Variants in SRRM2 observed in about 807,000 individuals in gnomAD.
SRRM2 encodes the protein serine/arginine repetitive matrix 2.
In SRRM2, 30 loss-of-function variants were observed where a neutral mutation model predicts 213.8. The observed-to-expected ratio is 0.14, with a 90% CI of 0.10 to 0.19. The LOEUF is 0.19. Among genes scored for constraint, SRRM2 ranks in the 10% least tolerant of loss-of-function variants. The pLI is 1.00. For synonymous variants in SRRM2, 2,025 were observed against 1,377.7 expected (o/e 1.47, Z -10.40); for missense variants, 4,904 against 3,647.0 (o/e 1.34, Z -8.88).
Position 2,768,226 on chromosome 16 carries a change from T to A in SRRM2, c.7698T>A (p.Ser2566=). Residue 2566 remains serine, a synonymous_variant, in exon 11 of 15, where the codon TCT becomes TCA. Coordinates refer to ENST00000301740, the MANE Select transcript of SRRM2 (RefSeq NM_016333.4). Reference sequence around the variant, plus strand: ...CCAGTTCTAGTGACTCAGAGGGCTCTAGCCTTCCTGTGCAACCTGAGGTGG... The same window carrying A: ...CCAGTTCTAGTGACTCAGAGGGCTCAAGCCTTCCTGTGCAACCTGAGGTGG... ...SGSSSSDSEG[S]SLPVQPEVAL... The A allele has an allele frequency of 5.1e-6, 8 of 1,579,226 alleles. No homozygotes were observed. The highest frequency in any genetic ancestry group is 6.9e-6 in the Non-Finnish European group (8 of 1,163,342).
rs752410240 is a variant in SRRM2, at chr16:2,767,868, C to T, written c.7340C>T (p.Pro2447Leu). ...CTTCTCCCTCCAGCACAGGATCAGC[C>T]GAGGTCTCCTGTGCCTTCTGCTTTT... The part of the protein sequence containing the change: ...QSLLPPAQDQ[P>L]RSPVPSAFSD... The change falls in exon 11 of 15, where the codon CCG becomes CTG. Residue 2447 changes from proline (P) to leucine (L), a missense_variant. Transcript: ENST00000301740. 18 of 1,614,010 alleles carry T rather than the reference C, an allele frequency of 1.1e-5. No homozygotes were observed. The highest frequency in any genetic ancestry group is 4.4e-5 in the South Asian group (4 of 91,084).
chr16:2,764,085 A>T lies in SRRM2; in HGVS notation c.3557A>T (p.Lys1186Ile). ...GCATCACCTCCTAGACAGAAAGACA[A>T]ATTTAGTCCCTTTCCAGTACAGGAT... is the stretch of plus-strand genomic sequence containing the variant. ...ATASPPRQKD[K>I]FSPFPVQDRP... Residue 1186 changes from lysine to isoleucine, a missense_variant, in exon 11 of 15, where the codon AAA (lysine) becomes ATA (isoleucine). By Grantham distance (102) the Lys-to-Ile change is moderately radical. Coordinates refer to ENST00000301740, the MANE Select transcript of SRRM2 (RefSeq NM_016333.4). The T allele has an allele frequency of 6.2e-7, 1 of 1,614,134 alleles. No individual in the cohort carries two copies. Among genetic ancestry groups the T allele is most frequent in the South Asian group, 1.1e-5 (1 of 91,082 alleles).
rs747194570 is a variant in SRRM2 at position 2,764,907 on chromosome 16, C to G, written c.4379C>G (p.Ser1460Cys). 3 of 1,614,176 alleles carry G rather than the reference C, an allele frequency of 1.9e-6. No homozygotes were observed. The highest frequency in any genetic ancestry group is 2.2e-5 in the East Asian group (1 of 44,890). The change falls in exon 11 of 15, where the codon TCT becomes TGT. Residue 1460 changes from serine (S) to cysteine (C), a missense_variant. Physicochemically the swap from Ser to Cys is moderately radical, Grantham distance 112. Coordinates refer to ENST00000301740, the MANE Select transcript of SRRM2 (RefSeq NM_016333.4). ...GSGTPSRHSL[S>C]GSSPGMKDIP... ...GGGACTCCCTCGAGGCACAGCCTGT[C>G]TGGGTCCTCTCCTGGAATGAAAGAT...
In SRRM2 at chr16:2,762,491, CGTG is replaced by C. The variant is rs747231648; in HGVS notation, c.1965_1967del (p.Gly656del). On this transcript the variant is annotated inframe_deletion, in exon 11 of 15. Coordinates refer to ENST00000301740, the MANE Select transcript of SRRM2 (RefSeq NM_016333.4). ...GTCACGCTCTAGAACCCCAGCTAGA[CGTG>C]GCCGCTCACGCTCCAGAACCCCAGC... 10 of 1,613,302 alleles carry C rather than the reference CGTG, an allele frequency of 6.2e-6. No individual in the cohort carries two copies. Among genetic ancestry groups the C allele is most frequent in the Middle Eastern group, 1.6e-4 (1 of 6,072 alleles).
At chr16:2,754,452 C>G (rs1283369205) in intron 1 of SRRM2, among the ~76,000 whole-genome samples, 1 of 152,176 alleles carries the variant, frequency 6.6e-6, no homozygotes, top group Non-Finnish European at 1.5e-5. Context: ...CGCCGCCGCC[C>G]AGCTAATTTT....
At chr16:2,770,138 T>G in intron 12 of SRRM2, 1 of 1,422,196 alleles carries the variant, frequency 7.0e-7, no homozygotes, top group Non-Finnish European at 9.2e-7. Flanking sequence ...GGGACTGTCT[T>G]TATCTTTGCA....
chr16:2,770,650 C>T lies in SRRM2; in HGVS notation c.8182C>T (p.Arg2728Cys), dbSNP rs768029678. 38 of 1,552,344 alleles carry T rather than the reference C, an allele frequency of 2.4e-5. No homozygotes were observed. The highest frequency in any genetic ancestry group is 9.8e-5 in the East Asian group (4 of 41,016). ...GSRRGQRGDS[R>C]SPSHKRRRET... ...CCGGAGAGGCCAGCGTGGGGACAGC[C>T]GCTCCCCCAGCCACAAGCGCAGGAG... The change falls in exon 14 of 15, where the codon CGC (arginine) becomes TGC (cysteine). Residue 2728 changes from arginine to cysteine, a missense_variant. Transcript: ENST00000301740.
In SRRM2 at chr16:2,770,433, C is replaced by G. The variant is rs1351583907; in HGVS notation, c.8103C>G (p.Pro2701=). ...ACTCGCCTGTGGAGCGTCGCCGTCC[C>G]TCGCCCCAGCCCTCACCACGGGACC... is the stretch of plus-strand genomic sequence containing the variant. The part of the protein sequence containing the change: ...LSYSPVERRR[P]SPQPSPRDQQ... The change falls in exon 13 of 15, where the codon CCC becomes CCG. Residue 2701 remains proline, a synonymous_variant. Transcript: ENST00000301740. The G allele has an allele frequency of 1.9e-6, 3 of 1,610,366 alleles. No individual in the cohort carries two copies. The highest frequency in any genetic ancestry group is 2.5e-6 in the Non-Finnish European group (3 of 1,178,632).
Position 2,757,953 on chromosome 16 carries a change from A to C in SRRM2, c.515+8A>C. On this transcript the variant is annotated splice_region_variant and intron_variant, in intron 4 of 14. Transcript: ENST00000301740. ...GCCTCCCAAACCTTACAGGTATACA[A>C]GGCCAAGAAACCACTGTCAGCTTCT... 1.3e-5 allele frequency: 21 copies of C among 1,602,698 alleles called. No homozygotes were observed. The highest frequency in any genetic ancestry group is 1.8e-5 in the Non-Finnish European group (21 of 1,174,826).
rs1476633338 is a variant in SRRM2, at chr16:2,756,557, C to T, written c.193C>T (p.Arg65Cys). 3 of 1,613,998 alleles carry T rather than the reference C, an allele frequency of 1.9e-6. No individual in the cohort carries two copies. The highest frequency in any genetic ancestry group is 1.7e-6 in the Non-Finnish European group (2 of 1,179,954). ...CATCCTGGACCACGAGCGCAAGCGG[C>T]GCGTCGAGCTGCGATGCCTCGAGCT... ...PDILDHERKR[R>C]VELRCLELEE... The change falls in exon 2 of 15, where the codon CGC (arginine) becomes TGC (cysteine). Residue 65 changes from arginine (R) to cysteine (C), a missense_variant. Physicochemically the swap from Arg to Cys is radical, Grantham distance 180. Transcript: ENST00000301740.
At chr16:2,757,674 T>A in intron 3 of SRRM2, 95 bp downstream of exon 3, 1 of 1,580,900 alleles carries the variant, frequency 6.3e-7, no homozygotes, top group South Asian at 1.1e-5. Context: ...TCCTCCCTGC[T>A]TTCGTCTGCC....
chr16:2,758,719 A>G lies in SRRM2; in HGVS notation c.593+172A>G, dbSNP rs1402864016. On this transcript the variant is annotated intron_variant, in intron 5 of 14. Coordinates refer to ENST00000301740, the MANE Select transcript of SRRM2 (RefSeq NM_016333.4). ...AAATACCTGAGTTTCTCAGTGGGGAAGTGTTGAGTTTGCAGTTCTGCTAAT... is the reference window on the plus strand; with the variant it reads ...AAATACCTGAGTTTCTCAGTGGGGAGGTGTTGAGTTTGCAGTTCTGCTAAT... 3 of 686,362 alleles carry G rather than the reference A, an allele frequency of 4.4e-6. No individual in the cohort carries two copies. In the African/African-American group the frequency reaches 5.5e-5, roughly 13 times the overall value. 42.5% of individuals were successfully genotyped at this position (686,362 alleles called of 1,614,324 possible).
rs757700990 is a variant in SRRM2 at position 2,767,353 on chromosome 16, A to G, written c.6825A>G (p.Thr2275=). The G allele has an allele frequency of 6.2e-7, 1 of 1,613,876 alleles. No individual in the cohort carries two copies. Among genetic ancestry groups the G allele is most frequent in the Non-Finnish European group, 8.5e-7 (1 of 1,180,024 alleles). Residue 2275 remains threonine (T), a synonymous_variant, in exon 11 of 15, where the codon ACA becomes ACG. Transcript: ENST00000301740. ...CCATGAACTTGGCCAGCCCCAGAACAGCGGTGGCACCTTCGGCTGTGAACC... is the reference window on the plus strand; with the variant it reads ...CCATGAACTTGGCCAGCCCCAGAACGGCGGTGGCACCTTCGGCTGTGAACC... ...AAAMNLASPR[T]AVAPSAVNLA... is the part of the protein sequence containing the mutation.
rs370132316 is a variant in SRRM2 at position 2,765,858 on chromosome 16, C to T, written c.5330C>T (p.Ser1777Leu). The T allele has an allele frequency of 3.1e-5, 50 of 1,614,014 alleles. No homozygotes were observed. Among genetic ancestry groups the T allele is most frequent in the Non-Finnish European group, 4.0e-5 (47 of 1,180,036 alleles). ...GGACTCCAGAGGTCCCGTTCCCGCTCAAGGAGAGAGAAAACAAGAACAACC... is the reference window on the plus strand; with the variant it reads ...GGACTCCAGAGGTCCCGTTCCCGCTTAAGGAGAGAGAAAACAAGAACAACC... ...PRGLQRSRSR[S>L]RREKTRTTRR... Residue 1777 changes from serine (S) to leucine (L), a missense_variant, in exon 11 of 15, where the codon TCA (serine) becomes TTA (leucine). Transcript: ENST00000301740.
chr16:2,770,161 C>T, intron 12 of SRRM2, 191 bp from the exon 13 acceptor site: 1 of 1,439,932 alleles, frequency 6.9e-7, no homozygotes, highest in Non-Finnish European at 9.1e-7. Flanking sequence ...CCCCGCTGCA[C>T]CCTGTGCCTG....
In SRRM2 at chr16:2,767,716, A is replaced by C; in HGVS notation, c.7188A>C (p.Arg2396Ser). ...CTGCCTACGAGCGTGTCAGTGGCAG[A>C]ACCTCACCACCGCTCCTTGACCGAG... ...PLSAYERVSG[R>S]TSPPLLDRAR... The change falls in exon 11 of 15, where the codon AGA becomes AGC. Residue 2396 changes from arginine (R) to serine (S), a missense_variant. Arg to Ser is a moderately radical substitution (Grantham distance 110). Coordinates refer to ENST00000301740, the MANE Select transcript of SRRM2 (RefSeq NM_016333.4). 1 of 1,613,326 alleles carries C rather than the reference A, an allele frequency of 6.2e-7. No homozygotes were observed. The highest frequency in any genetic ancestry group is 8.5e-7 in the Non-Finnish European group (1 of 1,179,924).
At chr16:2,770,027 G>A in intron 12 of SRRM2, 1 of 742,320 alleles carries the variant, frequency 1.3e-6, no homozygotes, top group Non-Finnish European at 2.0e-6. Context: ...CTTGCCCCAT[G>A]TCCCCCTCCC....
chr16:2,767,433 C>T lies in SRRM2; in HGVS notation c.6905C>T (p.Thr2302Ile), dbSNP rs1047380203. The T allele has an allele frequency of 1.2e-6, 2 of 1,614,000 alleles. No individual in the cohort carries two copies. Among genetic ancestry groups the T allele is most frequent in the African/African-American group, 1.3e-5 (1 of 74,918 alleles). Residue 2302 changes from threonine (T) to isoleucine (I), a missense_variant, in exon 11 of 15, where the codon ACC (threonine) becomes ATC (isoleucine). Physicochemically the swap from Thr to Ile is moderately conservative, Grantham distance 89. Transcript: ENST00000301740. ...APAVNLAGAR[T>I]PAALAALSLT... is the part of the protein sequence containing the mutation. ...GCTGTGAACCTAGCAGGGGCCAGAA[C>T]CCCAGCTGCCTTGGCAGCTCTGAGT... is the stretch of plus-strand genomic sequence containing the variant.
In SRRM2 at chr16:2,767,822, G is replaced by C; in HGVS notation, c.7294G>C (p.Gly2432Arg). 6.2e-7 allele frequency: 1 copy of C among 1,613,978 alleles called. No homozygotes were observed. The highest frequency in any genetic ancestry group is 8.5e-7 in the Non-Finnish European group (1 of 1,179,982). The change falls in exon 11 of 15, where the codon GGC becomes CGC. Residue 2432 changes from glycine (G) to arginine (R), a missense_variant. By Grantham distance (125) the Gly-to-Arg change is moderately radical. Coordinates refer to ENST00000301740, the MANE Select transcript of SRRM2 (RefSeq NM_016333.4). The stretch of plus-strand genomic sequence containing the variant: ...GGCTCCCTCCCCTTCCTCTAGAATG[G>C]GCCAGGCTCCTTCACAGTCTCTTCT... ...ERAPSPSSRM[G>R]QAPSQSLLPP... is the part of the protein sequence containing the mutation.
Sources: gnomAD v4.1 joint callset for allele counts (sites outside exome capture counted in the v4.1 genomes callset) on GRCh38, gnomAD v4.1.1 for gene constraint, MANE v1.5 for transcripts, NCBI Gene and HGNC (gene_info 2026-07-23, HGNC 2026-07-21) for gene names.